ITFG2: variants seen among roughly 807,000 people sequenced by gnomAD.
The protein encoded by ITFG2 is integrin alpha FG-GAP repeat containing 2, also known as KICSTOR complex protein ITFG2.
Under a neutral mutation model 54.4 loss-of-function variants are expected in ITFG2, and 36 were observed. That is an observed-to-expected ratio of 0.66 (90% confidence interval 0.51 to 0.87). The LOEUF (loss-of-function observed/expected upper bound fraction) is 0.87, where lower values mean the gene tolerates loss of function less well. ITFG2 is among the 40% of genes least tolerant of loss of function. The pLI is 0.00. For synonymous variants in ITFG2, 211 were observed against 225.4 expected, an observed-to-expected ratio of 0.94 and a Z score of 0.57; for missense variants, 524 against 576.7, an observed-to-expected ratio of 0.91 and a Z score of 0.94.
downstream of ITFG2, chr12:2,828,276 C>G: frequency 6.8e-7 from 1 of 1,462,042 alleles, no homozygotes; most frequent in South Asian, 1.2e-5. Flanking sequence ...AGAATATTTT[C>G]ATCACCCCAA....
At chr12:2,827,777 G>A, downstream of ITFG2, 1 of 1,607,310 alleles carries the variant, frequency 6.2e-7, no homozygotes, top group South Asian at 1.1e-5. The surrounding 1 kb of genome is among the most constrained non-coding windows in gnomAD (Gnocchi z 4.0). Context: ...CCCATCCCCA[G>A]ATCCGAGGAC....
chr12:2,822,283 A>G (rs1164785398), intron 9 of ITFG2, among the ~76,000 whole-genome samples: 1 of 152,182 alleles, frequency 6.6e-6, no homozygotes, highest in Non-Finnish European at 1.5e-5. Flanking sequence ...TTACTCGACC[A>G]TAATTAATGC....
intron 3 of ITFG2, chr12:2,859,149 A>T: frequency 1.2e-6 from 2 of 1,606,544 alleles, no homozygotes; most frequent in Non-Finnish European, 1.7e-6. Context: ...AGGTCCTCCC[A>T]CTTCCTGGGA....
chr12:2,855,741 C>T (rs1259165000), intron 2 of ITFG2, among the ~76,000 whole-genome samples: 1 of 152,210 alleles, frequency 6.6e-6, no homozygotes, highest in Non-Finnish European at 1.5e-5. Flanking sequence ...TCACCTCCCT[C>T]CTCCGTTCTG....
chr12:2,830,966 G>T, downstream of ITFG2: 2 of 1,113,750 alleles, frequency 1.8e-6, no homozygotes, highest in Non-Finnish European at 2.4e-6. Flanking sequence ...CACCCCCCCA[G>T]CCCTGAGCCT....
intron 2 of ITFG2, among the ~76,000 whole-genome samples, chr12:2,844,723 A>G (rs2098049506): frequency 6.6e-6 from 1 of 151,824 alleles, no homozygotes; most frequent in Admixed American, 6.6e-5. Context: ...CTCCTTGCCT[A>G]AGCTGTGGGC....
intron 2 of ITFG2, among the ~76,000 whole-genome samples, chr12:2,848,866 GACAC>G (rs57562074): frequency 0.013 from 1,457 of 115,864 alleles, 25 homozygotes; most frequent in African/African-American, 0.047. Context: ...CACCCCAACA[GACAC>G]ACACACGCAC....
chr12:2,854,978 C>G, intron 2 of ITFG2: 2 of 1,536,258 alleles, frequency 1.3e-6, no homozygotes, highest in Non-Finnish European at 1.7e-6. Context: ...TTGAGCTTCT[C>G]CACCTCCTTC....
intron 2 of ITFG2, among the ~76,000 whole-genome samples, chr12:2,853,952 C>G (rs1167698979): frequency 6.6e-6 from 1 of 152,178 alleles, no homozygotes; most frequent in African/African-American, 2.4e-5. Flanking sequence ...TGAGGCCTTC[C>G]TGTGGCGGGG....
chr12:2,831,430 A>G (rs1441430819), downstream of ITFG2, among the ~76,000 whole-genome samples: 2 of 152,064 alleles, frequency 1.3e-5, no homozygotes, highest in African/African-American at 4.8e-5. Context: ...CTAAAAATAC[A>G]AAAATTAGCT....
intron 2 of ITFG2, chr12:2,848,912 C>A: frequency 2.7e-6 from 1 of 371,212 alleles, no homozygotes; most frequent in South Asian, 3.0e-5. Context: ...CACACACACA[C>A]TCCTTCCTTC....
At chr12:2,854,794 C>T (rs2098081959) in intron 2 of ITFG2, 9 of 1,228,836 alleles carry the variant, frequency 7.3e-6, no homozygotes, top group South Asian at 1.6e-5. Context: ...ATGGCCAGAG[C>T]GGGGAAGGAC....
chr12:2,813,654 A>G (rs1054794311), intron 1 of ITFG2, among the ~76,000 whole-genome samples: 4 of 152,022 alleles, frequency 2.6e-5, no homozygotes, highest in African/African-American at 4.8e-5. Flanking sequence ...TTTATCATCT[A>G]TTTCATAGTT....
In ITFG2 at chr12:2,859,663, C is replaced by A. The variant is rs758750879; in HGVS notation, n.750C>A. 3 of 1,600,386 alleles carry A rather than the reference C, an allele frequency of 1.9e-6. No individual in the cohort carries two copies. In the African/African-American group the frequency reaches 4.0e-5, roughly 21 times the overall value. On this transcript the variant is annotated non_coding_transcript_exon_variant, in exon 4 of 4. Coordinates refer to the ITFG2 transcript ENST00000537710. The stretch of plus-strand genomic sequence containing the variant: ...GCTATCCCCTCCTCAGCTAGCAGCA[C>A]CTGAAAGGGAAACAGAGATAAGGTG...
intron 2 of ITFG2, chr12:2,830,102 A>C (rs1043029388): frequency 3.3e-5 from 5 of 152,064 alleles, no homozygotes; most frequent in Non-Finnish European, 7.3e-5. Flanking sequence ...TTTTAAAAAA[A>C]GGACGTGAGT....
In ITFG2 at chr12:2,821,370, G is replaced by A. The variant is rs771145544; in HGVS notation, c.793+11G>A. 6.3e-7 allele frequency: 1 copy of A among 1,597,926 alleles called. No homozygotes were observed. Among genetic ancestry groups the A allele is most frequent in the Admixed American group, 1.7e-5 (1 of 57,982 alleles). On this transcript the variant is annotated intron_variant, in intron 7 of 11. Transcript: ENST00000228799. ...GCAACATCAAACAAGGTGAAAGTGT[G>A]GTGGGTGTGAGGGAGGGAGATGAGG...
chr12:2,846,224 G>C (rs935554163), intron 2 of ITFG2, among the ~76,000 whole-genome samples: 2 of 152,218 alleles, frequency 1.3e-5, no homozygotes, highest in African/African-American at 4.8e-5. Context: ...CTGACTAGAG[G>C]CTGGGAGCTT....
intron 2 of ITFG2, among the ~76,000 whole-genome samples, chr12:2,843,396 G>A (rs1252134602): frequency 8.5e-5 from 13 of 152,174 alleles, no homozygotes; most frequent in Admixed American, 7.2e-4. Flanking sequence ...TATTTCTGAC[G>A]CTAGGATTAT....
chr12:2,817,119 C>A (rs1408363806), intron 1 of ITFG2, 104 bp from the exon 2 acceptor site: 1 of 677,848 alleles, frequency 1.5e-6, no homozygotes, highest in Admixed American at 2.4e-5. Flanking sequence ...GATGAAGATA[C>A]AAGTTGAGGT....
Sources: gnomAD v4.1 joint callset for allele counts (sites outside exome capture counted in the v4.1 genomes callset) on GRCh38, gnomAD v4.1.1 for gene constraint, Gnocchi (gnomAD v3.1) non-coding constraint, MANE v1.5 for transcripts, NCBI Gene and HGNC (gene_info 2026-07-23, HGNC 2026-07-21) for gene names.